DPY19L1: variants seen among roughly 807,000 people sequenced by gnomAD.
The protein encoded by DPY19L1 is protein C-mannosyl-transferase DPY19L1.
A neutral mutation model predicts 96.9 loss-of-function variants in DPY19L1; 35 were observed. The observed-to-expected ratio is 0.36, with a 90% CI of 0.28 to 0.48. The LOEUF (loss-of-function observed/expected upper bound fraction) is 0.48, where lower values mean the gene tolerates loss of function less well. DPY19L1 is among the 20% of genes least tolerant of loss of function. The pLI, the probability that DPY19L1 is intolerant of heterozygous loss-of-function variation, is 0.99. For missense variants in DPY19L1, 521 were observed against 777.9 expected, an observed-to-expected ratio of 0.67 and a Z score of 3.93; for synonymous variants, 205 against 252.6, an observed-to-expected ratio of 0.81 and a Z score of 1.79.
chr7:35,019,518 G>T (rs1386829740), intron 1 of DPY19L1, among the ~76,000 whole-genome samples: 2 of 151,348 alleles, frequency 1.3e-5, no homozygotes, highest in Admixed American at 6.6e-5. Context: ...GAAAGAAGAA[G>T]AAGGAAGAAG....
At chr7:34,984,857 G>A (rs899976766) in intron 7 of DPY19L1, among the ~76,000 whole-genome samples, 2 of 152,160 alleles carry the variant, frequency 1.3e-5, no homozygotes, top group Admixed American at 6.5e-5. Context: ...GACCTTATCC[G>A]CTATCACTTT....
At chr7:34,943,582 C>T (rs1369508924) in intron 16 of DPY19L1, among the ~76,000 whole-genome samples, 1 of 152,178 alleles carries the variant, frequency 6.6e-6, no homozygotes, top group Non-Finnish European at 1.5e-5. Flanking sequence ...TTATGTCCTA[C>T]TCTTCTCCTT....
At position 34,938,033 on chromosome 7, in the gene DPY19L1, T is replaced by C. The variant is rs1275960471; in HGVS notation, c.2051A>G (p.Tyr684Cys). The C allele has an allele frequency of 6.2e-7, 1 of 1,613,962 alleles. No individual in the cohort carries two copies. Among genetic ancestry groups the C allele is most frequent in the Admixed American group, 1.7e-5 (1 of 60,030 alleles). ...KRELIKLKVN[Y>C]YILEESWCVR... The stretch of plus-strand genomic sequence containing the variant: ...ACACCATGACTCTTCTAGAATGTAA[T>C]AGTTCACTTTTAACTTTATCAGTTC... Residue 684 changes from tyrosine (Y) to cysteine (C), a missense_variant, in exon 21 of 22, where the codon TAT becomes TGT. Tyr to Cys is a radical substitution (Grantham distance 194). Coordinates refer to ENST00000638088, the MANE Select transcript of DPY19L1 (RefSeq NM_001366673.1).
rs762249326 is a variant in DPY19L1 at position 35,013,750 on chromosome 7, T to C, written c.412-45A>G. On this transcript the variant is annotated intron_variant, in intron 3 of 21. Coordinates refer to ENST00000638088, the MANE Select transcript of DPY19L1 (RefSeq NM_001366673.1). ...AATTAAAATAACAAAAGGTACATAA[T>C]TATGATGCCACTTCTAAGTAAATAC... 3.8e-5 allele frequency: 56 copies of C among 1,463,742 alleles called. 1 individual carries two copies. The South Asian group carries it at 5.1e-4, about 13-fold the overall frequency. The allele number at this position is 1,463,742 out of a possible 1,614,324, so 90.7% of individuals were successfully genotyped here. A position where few individuals can be genotyped will look rare whatever the true frequency, so the allele number is the denominator to read the frequency against.
At chr7:34,954,622 C>G (rs562973998) in intron 13 of DPY19L1, 76 bp downstream of exon 13, 3 of 804,650 alleles carry the variant, frequency 3.7e-6, no homozygotes, top group Non-Finnish European at 6.0e-6. Context: ...AATAGTGATA[C>G]TTGAATAACT....
intron 6 of DPY19L1, among the ~76,000 whole-genome samples, chr7:35,002,821 T>C (rs930369094): frequency 1.3e-5 from 2 of 152,188 alleles, no homozygotes; most frequent in African/African-American, 4.8e-5. Context: ...CAGGCTGGAG[T>C]GCAGTGGCAC....
chr7:34,993,786 A>G (rs191341254), intron 6 of DPY19L1, among the ~76,000 whole-genome samples: 3 of 152,220 alleles, frequency 2.0e-5, no homozygotes, highest in African/African-American at 7.2e-5. Context: ...GGGGTCAGGC[A>G]CAGTGGCTCA....
At chr7:34,949,191 T>C (rs1784217160) in intron 14 of DPY19L1, among the ~76,000 whole-genome samples, 1 of 152,194 alleles carries the variant, frequency 6.6e-6, no homozygotes, top group Admixed American at 6.5e-5. Flanking sequence ...TATTTACTTA[T>C]TTAAAATATC....
intron 1 of DPY19L1, among the ~76,000 whole-genome samples, chr7:35,026,466 G>T (rs1231551669): frequency 6.7e-6 from 1 of 150,174 alleles, no homozygotes; most frequent in Non-Finnish European, 1.5e-5. Context: ...CACCTAGGAG[G>T]AGCTTGTTAA....
At chr7:34,949,469 A>C (rs75205102) in intron 14 of DPY19L1, among the ~76,000 whole-genome samples, 1 of 152,224 alleles carries the variant, frequency 6.6e-6, no homozygotes. Context: ...AATAACCACA[A>C]AATGAGTGGA....
intron 6 of DPY19L1, among the ~76,000 whole-genome samples, chr7:34,997,596 C>T (rs1233794343): frequency 2.5e-5 from 3 of 120,778 alleles, no homozygotes; most frequent in East Asian, 2.3e-4. Context: ...GGCAACTGAG[C>T]GAGACTCCGT....
intron 17 of DPY19L1, 78 bp from the exon 18 acceptor site, chr7:34,941,962 G>C: frequency 1.4e-6 from 2 of 1,448,340 alleles, no homozygotes; most frequent in South Asian, 2.7e-5. Context: ...TATGCAGAAA[G>C]GGGTACGTTC....
At chr7:34,992,645 C>T (rs891865699) in intron 6 of DPY19L1, among the ~76,000 whole-genome samples, 1 of 151,244 alleles carries the variant, frequency 6.6e-6, no homozygotes, top group Non-Finnish European at 1.5e-5. Flanking sequence ...CTCATGGGAT[C>T]CAGCAATCCT....
At chr7:34,933,923 G>A (rs1403717552) in intron 21 of DPY19L1, among the ~76,000 whole-genome samples, 1 of 152,116 alleles carries the variant, frequency 6.6e-6, no homozygotes, top group East Asian at 1.9e-4. Flanking sequence ...GTGATCGTGT[G>A]AGTCAGTACT....
chr7:34,930,722 T>C lies in DPY19L1; in HGVS notation c.*851A>G, dbSNP rs1396747885. ...ACTATAATTAAACATGAAAAAACTT[T>C]AAAGTGGTTTAAAGGTATTAAAATA... On this transcript the variant is annotated 3_prime_UTR_variant, in exon 22 of 22. Coordinates refer to ENST00000638088, the MANE Select transcript of DPY19L1 (RefSeq NM_001366673.1). The C allele has an allele frequency of 6.6e-6, 1 of 152,164 alleles. No homozygotes were observed. The highest frequency in any genetic ancestry group is 1.9e-4 in the East Asian group (1 of 5,198). The allele number at this position is 152,164 out of a possible 1,614,324, so 9.4% of individuals were successfully genotyped here.
chr7:34,994,830 G>A (rs1167006101), intron 6 of DPY19L1, among the ~76,000 whole-genome samples: 10 of 150,996 alleles, frequency 6.6e-5, no homozygotes, highest in Non-Finnish European at 1.0e-4. Flanking sequence ...CCAATTCCCC[G>A]ACCAAATCTC....
In DPY19L1 at chr7:35,014,652, T is replaced by C. The variant is rs188960533; in HGVS notation, c.412-947A>G. 2.8e-3 allele frequency among the ~76,000 whole-genome samples: 421 copies of C among 152,338 alleles called. 2 individuals carry two copies. Among genetic ancestry groups the C allele is most frequent in the Middle Eastern group, 0.02 (6 of 294 alleles). On this transcript the variant is annotated intron_variant, in intron 3 of 21. Transcript: ENST00000638088. ...TCTTGATACTCTGATGTATCGACTC[T>C]GATACCACTATTTTTAAAATTATGT...
chr7:34,978,865 T>C (rs1784882037), intron 7 of DPY19L1, among the ~76,000 whole-genome samples: 1 of 152,002 alleles, frequency 6.6e-6, no homozygotes, highest in African/African-American at 2.4e-5. Context: ...ACTCAAAAAG[T>C]TTTGGACTTT....
intron 6 of DPY19L1, among the ~76,000 whole-genome samples, chr7:35,002,206 T>C (rs1785444550): frequency 6.6e-6 from 1 of 150,932 alleles, no homozygotes; most frequent in African/African-American, 2.4e-5. Flanking sequence ...AAGGTTATTC[T>C]GGGAGGGTAA....
Sources: gnomAD v4.1 joint callset for allele counts (sites outside exome capture counted in the v4.1 genomes callset) on GRCh38, gnomAD v4.1.1 for gene constraint, MANE v1.5 for transcripts, NCBI Gene and HGNC (gene_info 2026-07-23, HGNC 2026-07-21) for gene names.